Variants in ARHGAP24 observed in about 807,000 individuals in gnomAD.
ARHGAP24 encodes Rho GTPase activating protein 24, also known as rho GTPase-activating protein 24.
Under a neutral mutation model 76.4 loss-of-function variants are expected in ARHGAP24, and 50 were observed. The ratio of observed to expected loss-of-function variants is 0.65; its 90% CI spans 0.52 to 0.83. The LOEUF (loss-of-function observed/expected upper bound fraction) is 0.83, where lower values mean the gene tolerates loss of function less well. Ranked by LOEUF, ARHGAP24 falls within the 40% of genes least tolerant of loss-of-function variation. The pLI, the probability that ARHGAP24 is intolerant of heterozygous loss-of-function variation, is 0.00. For missense variants in ARHGAP24, 930 were observed against 914.2 expected, an observed-to-expected ratio of 1.02 and a Z score of -0.22; for synonymous variants, 345 against 323.3, an observed-to-expected ratio of 1.07 and a Z score of -0.72.
chr4:85,756,659 G>C (rs571027432), intron 3 of ARHGAP24, among the ~76,000 whole-genome samples: 14 of 152,086 alleles, frequency 9.2e-5, no homozygotes, highest in Non-Finnish European at 1.5e-4. Flanking sequence ...TCTTGATACT[G>C]TTCAGAGAAA....
chr4:85,885,351 T>A (rs956196848), intron 3 of ARHGAP24, among the ~76,000 whole-genome samples: 1 of 152,096 alleles, frequency 6.6e-6, no homozygotes, highest in African/African-American at 2.4e-5. Flanking sequence ...AAAATATATG[T>A]TTTTTAATTG....
intron 2 of ARHGAP24, among the ~76,000 whole-genome samples, chr4:85,627,235 G>A (rs540086518): frequency 3.3e-5 from 5 of 152,108 alleles, no homozygotes; most frequent in African/African-American, 9.7e-5. Context: ...TGATGGTGAC[G>A]TACAGATGGG....
chr4:85,962,961 G>A (rs754377177), intron 5 of ARHGAP24, among the ~76,000 whole-genome samples: 2 of 151,068 alleles, frequency 1.3e-5, no homozygotes, highest in African/African-American at 2.4e-5. Flanking sequence ...AAAACTGATT[G>A]GATATGTTTA....
intron 2 of ARHGAP24, among the ~76,000 whole-genome samples, chr4:85,660,070 C>A (rs915516981): frequency 6.6e-6 from 1 of 152,080 alleles, no homozygotes; most frequent in Non-Finnish European, 1.5e-5. Context: ...GTGGAAAAAA[C>A]GGCATGTGCT....
chr4:85,887,674 C>T (rs1733638426), intron 3 of ARHGAP24, among the ~76,000 whole-genome samples: 1 of 152,140 alleles, frequency 6.6e-6, no homozygotes, highest in African/African-American at 2.4e-5. Context: ...GGAAGTTTCT[C>T]CTTTTACCTC....
chr4:85,873,598 A>G (rs1305235825), intron 3 of ARHGAP24, among the ~76,000 whole-genome samples: 1 of 152,228 alleles, frequency 6.6e-6, no homozygotes, highest in Non-Finnish European at 1.5e-5. Context: ...ATGGGTGTTC[A>G]GAATGTTCAG....
chr4:85,617,803 C>A (rs1472753900), intron 2 of ARHGAP24, among the ~76,000 whole-genome samples: 1 of 151,928 alleles, frequency 6.6e-6, no homozygotes, highest in African/African-American at 2.4e-5. Flanking sequence ...ATTTACATTG[C>A]CACTGGCAAT....
rs868093634 is a variant in ARHGAP24 at position 85,570,665 on chromosome 4, G to C, written c.124G>C (p.Val42Leu). Residue 42 changes from valine to leucine, a missense_variant, in exon 2 of 10, where the codon GTG (valine) becomes CTG (leucine). Val to Leu is a conservative substitution (Grantham distance 32). Transcript: ENST00000395184. ...CAAGACTTGGCATACTCGCTGGTTT[G>C]TGCTCAAGGGGGATCAGCTCTATTA... ...FVKTWHTRWF[V>L]LKGDQLYYFK... 15 of 1,614,112 alleles carry C rather than the reference G, an allele frequency of 9.3e-6. No individual in the cohort carries two copies. The Middle Eastern group carries it at 2.5e-3, about 266-fold the overall frequency.
At chr4:85,685,491 G>T (rs1316248552) in intron 2 of ARHGAP24, among the ~76,000 whole-genome samples, 1 of 152,088 alleles carries the variant, frequency 6.6e-6, no homozygotes, top group Non-Finnish European at 1.5e-5. Flanking sequence ...AAATTAGCTG[G>T]GCATAGTGGC....
At chr4:85,701,010 T>A (rs1253500662) in intron 2 of ARHGAP24, among the ~76,000 whole-genome samples, 2 of 152,180 alleles carry the variant, frequency 1.3e-5, no homozygotes, top group African/African-American at 4.8e-5. Flanking sequence ...ATTAAGATGA[T>A]CTGGAATTGG....
At chr4:85,949,092 C>T (rs574474994) in intron 5 of ARHGAP24, among the ~76,000 whole-genome samples, 15 of 152,256 alleles carry the variant, frequency 9.9e-5, no homozygotes, top group African/African-American at 3.4e-4. Context: ...TTGCCGCAGT[C>T]GATAGTCTTG....
intron 2 of ARHGAP24, among the ~76,000 whole-genome samples, chr4:85,601,103 A>G (rs1490175066): frequency 6.6e-6 from 1 of 152,152 alleles, no homozygotes; most frequent in Non-Finnish European, 1.5e-5. Context: ...TTAACATTCT[A>G]AAGAGACTTT....
At chr4:85,726,025 A>T (rs140246248) in intron 3 of ARHGAP24, among the ~76,000 whole-genome samples, 68 of 152,300 alleles carry the variant, frequency 4.5e-4, no homozygotes, top group African/African-American at 1.6e-3. Context: ...GAGAATTCCT[A>T]GTCCTCCCCC....
chr4:85,803,920 A>G (rs1235668491), intron 3 of ARHGAP24, among the ~76,000 whole-genome samples: 1 of 151,624 alleles, frequency 6.6e-6, no homozygotes, highest in Non-Finnish European at 1.5e-5. Context: ...TTTTTTATAA[A>G]TGGACAAATT....
chr4:85,995,527 A>C lies in ARHGAP24; in HGVS notation c.1873A>C (p.Ser625Arg). Residue 625 changes from serine to arginine, a missense_variant, in exon 9 of 10, where the codon AGT becomes CGT. Transcript: ENST00000395184. ...SVGGRSSRAT[S>R]SSDNSETFVG... ...GGGAGGTCGAAGTAGTCGTGCCACC[A>C]GTAGCAGTGACAACAGTGAGACATT... 2 of 1,608,070 alleles carry C rather than the reference A, an allele frequency of 1.2e-6. No homozygotes were observed. Among genetic ancestry groups the C allele is most frequent in the Non-Finnish European group, 1.7e-6 (2 of 1,176,352 alleles).
At chr4:85,816,363 T>C (rs1213214100) in intron 3 of ARHGAP24, among the ~76,000 whole-genome samples, 1 of 152,216 alleles carries the variant, frequency 6.6e-6, no homozygotes, top group Non-Finnish European at 1.5e-5. Flanking sequence ...TTCTATGAGT[T>C]TGATTCCACA....
intron 2 of ARHGAP24, among the ~76,000 whole-genome samples, chr4:85,602,899 T>G (rs1374370255): frequency 1.3e-5 from 2 of 152,220 alleles, no homozygotes; most frequent in Non-Finnish European, 1.5e-5. Context: ...AAGGTGACAC[T>G]GAGAGATTTA....
chr4:85,721,169 G>A (rs1317289408), intron 2 of ARHGAP24, among the ~76,000 whole-genome samples: 1 of 152,160 alleles, frequency 6.6e-6, no homozygotes, highest in Admixed American at 6.5e-5. Context: ...GCCGAGGCAG[G>A]TGGATCACCT....
rs185311809 is a variant in ARHGAP24, at chr4:85,659,137, G to C, written c.181-62748G>C. Among the ~76,000 whole-genome samples the C allele has an allele frequency of 2.6e-5, 4 of 152,316 alleles. No individual in the cohort carries two copies. In the East Asian group the frequency reaches 7.7e-4, roughly 29 times the overall value. The stretch of plus-strand genomic sequence containing the variant: ...TCTCGTGGGTAGAAGCCGGGGTGCA[G>C]TTAAATATCCTATGAAGCATATAAT... On this transcript the variant is annotated intron_variant, in intron 2 of 9. Coordinates refer to ENST00000395184, the MANE Select transcript of ARHGAP24 (RefSeq NM_001025616.3).
Sources: allele counts gnomAD v4.1 joint callset (sites outside exome capture counted in the v4.1 genomes callset), GRCh38; gene constraint gnomAD v4.1.1; transcripts MANE v1.5; gene names NCBI Gene and HGNC (gene_info 2026-07-23, HGNC 2026-07-21).